LYRM4: variants seen among roughly 807,000 people sequenced by gnomAD.
LYRM4 encodes LYR motif-containing protein 4.
Under a neutral mutation model 11.7 loss-of-function variants are expected in LYRM4, and 9 were observed. The ratio of observed to expected loss-of-function variants is 0.77; its 90% CI spans 0.46 to 1.34. The LOEUF (loss-of-function observed/expected upper bound fraction) is 1.34. Ranked by LOEUF, LYRM4 falls within the 40% of genes most tolerant of loss-of-function variation. The pLI, the probability that LYRM4 is intolerant of heterozygous loss-of-function variation, is 0.00. For synonymous variants in LYRM4, 42 were observed against 40.4 expected, an observed-to-expected ratio of 1.04 and a Z score of -0.15; for missense variants, 133 against 112.5, an observed-to-expected ratio of 1.18 and a Z score of -0.82.
At chr6:5,128,912 C>T (rs1763816099) in intron 2 of LYRM4, among the ~76,000 whole-genome samples, 1 of 152,248 alleles carries the variant, frequency 6.6e-6, no homozygotes, top group African/African-American at 2.4e-5. Context: ...GCAGCCAGTG[C>T]TTGGGCCTAT....
At chr6:5,172,268 G>A (rs1759473426) in intron 2 of LYRM4, among the ~76,000 whole-genome samples, 1 of 152,186 alleles carries the variant, frequency 6.6e-6, no homozygotes, top group South Asian at 2.1e-4. Context: ...AAAGCACGCT[G>A]TAACACGAGC....
chr6:5,087,365 T>C, the LYRM4 span: 1 of 152,248 alleles, frequency 6.6e-6, no homozygotes, highest in Non-Finnish European at 1.5e-5. Context: ...CCTTCCTCTC[T>C]ACTGCGAAAG....
the LYRM4 span, chr6:5,084,643 C>G: frequency 6.6e-6 from 1 of 152,246 alleles, no homozygotes; most frequent in African/African-American, 2.4e-5. Context: ...ACACGGTCCC[C>G]GCCCCAGTCT....
rs56935942 is a variant in LYRM4 at position 5,134,152 on chromosome 6, T to C, written c.208-24661A>G. 1.9e-3 allele frequency among the ~76,000 whole-genome samples: 296 copies of C among 152,372 alleles called. 1 individual carries two copies. The highest frequency in any genetic ancestry group is 6.6e-3 in the African/African-American group (275 of 41,590). On this transcript the variant is annotated intron_variant, in intron 2 of 2. Transcript: ENST00000330636. ...ATATGGTAATTCTATGTTTAACTTA[T>C]TGAGGAAGTGACAAGCTGCTTTCCA...
At chr6:5,203,798 C>T (rs1248649661) in intron 2 of LYRM4, among the ~76,000 whole-genome samples, 1 of 152,174 alleles carries the variant, frequency 6.6e-6, no homozygotes, top group East Asian at 1.9e-4. Flanking sequence ...GGCTGGAGAG[C>T]AGAAGCACAT....
intron 1 of LYRM4, among the ~76,000 whole-genome samples, chr6:5,235,852 T>C (rs1276956647): frequency 6.6e-6 from 1 of 152,232 alleles, no homozygotes; most frequent in East Asian, 1.9e-4. Flanking sequence ...GTTTACTGAC[T>C]GCCACTGGAA....
intron 1 of LYRM4, among the ~76,000 whole-genome samples, chr6:5,225,108 C>T (rs558582507): frequency 2.6e-5 from 4 of 151,986 alleles, no homozygotes; most frequent in East Asian, 1.9e-4. Context: ...ATTAGCTGGG[C>T]GTGGTGGTGG....
chr6:5,073,979 C>A, the LYRM4 span, among the ~76,000 whole-genome samples: 17 of 151,796 alleles, frequency 1.1e-4, no homozygotes, highest in African/African-American at 3.2e-4. Context: ...CTCTTGGAAG[C>A]CATTCTGACA....
intron 1 of LYRM4, among the ~76,000 whole-genome samples, chr6:5,240,147 T>C (rs769779377): frequency 5.3e-5 from 8 of 152,314 alleles, no homozygotes; most frequent in Admixed American, 2.0e-4. Context: ...CTGTATCCTA[T>C]TGCTGAAAAC....
At chr6:5,067,747 G>T in the LYRM4 span, among the ~76,000 whole-genome samples, 1 of 152,162 alleles carries the variant, frequency 6.6e-6, no homozygotes, top group African/African-American at 2.4e-5. Context: ...AAAAGGAAAA[G>T]TTACAAATCT....
chr6:5,200,119 G>C (rs1253622302), intron 2 of LYRM4, among the ~76,000 whole-genome samples: 3 of 152,178 alleles, frequency 2.0e-5, no homozygotes, highest in Non-Finnish European at 4.4e-5. Flanking sequence ...AATCCTGCTT[G>C]GGAAAATGCC....
intron 2 of LYRM4, among the ~76,000 whole-genome samples, chr6:5,152,072 T>G (rs1030697926): frequency 1.5e-4 from 23 of 152,196 alleles, no homozygotes; most frequent in African/African-American, 5.5e-4. Context: ...AATAAAAGAA[T>G]GATACCATAT....
intron 2 of LYRM4, among the ~76,000 whole-genome samples, chr6:5,193,058 G>A (rs748887647): frequency 2.6e-5 from 4 of 152,122 alleles, no homozygotes; most frequent in Middle Eastern, 3.2e-3. Context: ...GGGCCTAAGA[G>A]CTTACTCTTG....
At chr6:5,253,025 C>T (rs958701057) in intron 1 of LYRM4, among the ~76,000 whole-genome samples, 3 of 152,172 alleles carry the variant, frequency 2.0e-5, no homozygotes, top group Admixed American at 6.5e-5. Context: ...CTTTCTATGG[C>T]CTTTCCTTTG....
intron 2 of LYRM4, among the ~76,000 whole-genome samples, chr6:5,208,488 C>G (rs913763208): frequency 2.6e-5 from 4 of 152,230 alleles, no homozygotes; most frequent in African/African-American, 7.2e-5. Flanking sequence ...TTTCTATACA[C>G]AGCATTACTG....
chr6:5,068,519 T>G, the LYRM4 span, among the ~76,000 whole-genome samples: 2 of 152,196 alleles, frequency 1.3e-5, no homozygotes, highest in African/African-American at 2.4e-5. The surrounding 1 kb of genome is among the most constrained non-coding windows in gnomAD (Gnocchi z 4.0). Flanking sequence ...GTTGATGTAT[T>G]CTGACGTCAT....
intron 2 of LYRM4, among the ~76,000 whole-genome samples, chr6:5,138,223 C>T (rs1256323139): frequency 3.9e-5 from 6 of 152,110 alleles, no homozygotes. Flanking sequence ...GTAGTGCACA[C>T]CTGTAATCCC....
the LYRM4 span, among the ~76,000 whole-genome samples, chr6:5,034,899 AG>A: frequency 6.6e-6 from 1 of 151,758 alleles, no homozygotes; most frequent in Non-Finnish European, 1.5e-5. Context: ...AATGTGAAAA[AG>A]GTTAAACCTG....
At chr6:5,107,436 G>A (rs1022995594), downstream of LYRM4, 1 of 152,202 alleles carries the variant, frequency 6.6e-6, no homozygotes, top group African/African-American at 2.4e-5. Flanking sequence ...CGTTAGTAGC[G>A]TGGTTGGATG....
Sources: gnomAD v4.1 joint callset for allele counts (sites outside exome capture counted in the v4.1 genomes callset) on GRCh38, gnomAD v4.1.1 for gene constraint, Gnocchi (gnomAD v3.1) non-coding constraint, MANE v1.5 for transcripts, NCBI Gene and HGNC (gene_info 2026-07-23, HGNC 2026-07-21) for gene names.